The following CELF2 variants were observed in gnomAD, a reference collection of about 807,000 sequenced individuals.
CELF2 encodes CUGBP Elav-like family member 2, also known as CUG triplet repeat RNA-binding protein 2.
A neutral mutation model predicts 62.6 loss-of-function variants in CELF2; 8 were observed. The ratio of observed to expected loss-of-function variants is 0.13; its 90% CI spans 0.07 to 0.23. The LOEUF (loss-of-function observed/expected upper bound fraction) is 0.23, where lower values mean the gene tolerates loss of function less well. Among genes scored for constraint, CELF2 ranks in the 10% least tolerant of loss-of-function variants. The probability of loss-of-function intolerance (pLI) is 1.00; values close to 1 mark genes in which losing one functional copy is unlikely to be tolerated. For synonymous variants in CELF2, 258 were observed against 250.0 expected (o/e 1.03, Z -0.30); for missense variants, 333 against 671.0 (o/e 0.50, Z 5.56).
chr10:10,594,877 C>G, the CELF2 span, among the ~76,000 whole-genome samples: 4 of 152,160 alleles, frequency 2.6e-5, no homozygotes, highest in Middle Eastern at 3.2e-3. Context: ...CAGGAGTTCT[C>G]TCAACCCTTA....
At chr10:10,873,986 T>A (rs1334884077) in intron 1 of CELF2, among the ~76,000 whole-genome samples, 5 of 152,112 alleles carry the variant, frequency 3.3e-5, no homozygotes, top group Admixed American at 3.3e-4. Context: ...CTATATCTAG[T>A]TGATGTAAAT....
At chr10:11,167,656 A>G (rs1434538221) in intron 2 of CELF2, among the ~76,000 whole-genome samples, 2 of 152,164 alleles carry the variant, frequency 1.3e-5, no homozygotes, top group Non-Finnish European at 2.9e-5. Flanking sequence ...GATACTATAC[A>G]TTTTGTTAAC....
chr10:10,635,556 C>G, the CELF2 span, among the ~76,000 whole-genome samples: 3 of 152,066 alleles, frequency 2.0e-5, no homozygotes, highest in African/African-American at 7.2e-5. Flanking sequence ...TAATTAAGCC[C>G]CAAATGTTAT....
At chr10:11,199,022 T>A (rs2058615113) in intron 2 of CELF2, among the ~76,000 whole-genome samples, 1 of 151,742 alleles carries the variant, frequency 6.6e-6, no homozygotes, top group South Asian at 2.1e-4. Flanking sequence ...AGACCAAGAG[T>A]AGTTGACTTT....
intron 2 of CELF2, among the ~76,000 whole-genome samples, chr10:10,986,071 G>A (rs1288373102): frequency 1.3e-5 from 2 of 152,096 alleles, no homozygotes; most frequent in Admixed American, 1.3e-4. Context: ...TGTCTCCCAA[G>A]CAACTTCTGA....
the CELF2 span, among the ~76,000 whole-genome samples, chr10:10,556,574 T>C: frequency 6.6e-6 from 1 of 152,148 alleles, no homozygotes; most frequent in Non-Finnish European, 1.5e-5. Context: ...GGTCAAATGG[T>C]ATTTCTAGTT....
At chr10:11,122,790 A>T (rs2131528523) in intron 1 of CELF2, among the ~76,000 whole-genome samples, 1 of 152,360 alleles carries the variant, frequency 6.6e-6, no homozygotes. Context: ...CAGGAAACTT[A>T]CCTTCTTGGA....
chr10:10,505,153 TAATC>T, the CELF2 span, among the ~76,000 whole-genome samples: 4 of 152,148 alleles, frequency 2.6e-5, no homozygotes, highest in African/African-American at 2.4e-5. Flanking sequence ...TTAAATTAAT[TAATC>T]ACAACTTTGG....
chr10:10,733,202 G>A, the CELF2 span, among the ~76,000 whole-genome samples: 2 of 152,046 alleles, frequency 1.3e-5, no homozygotes, highest in Non-Finnish European at 2.9e-5. Context: ...TCTACACCCG[G>A]GCCATTGAAG....
At chr10:10,600,172 T>A in the CELF2 span, among the ~76,000 whole-genome samples, 43 of 152,366 alleles carry the variant, frequency 2.8e-4, no homozygotes, top group African/African-American at 1.0e-3. Flanking sequence ...GAGAAATTCA[T>A]GCATCCCAGG....
At chr10:10,927,826 C>T (rs969923817) in intron 2 of CELF2, among the ~76,000 whole-genome samples, 14 of 152,142 alleles carry the variant, frequency 9.2e-5, no homozygotes, top group African/African-American at 3.4e-4. Context: ...TGGTCCTTCC[C>T]ACTTCCTCTT....
At chr10:11,001,555 C>T (rs901295869), upstream of CELF2, among the ~76,000 whole-genome samples, 1 of 152,196 alleles carries the variant, frequency 6.6e-6, no homozygotes, top group African/African-American at 2.4e-5. Flanking sequence ...CCTATAATTT[C>T]ACCTTTTAAA....
Position 11,275,091 on chromosome 10 carries a change from G to C in CELF2, c.812G>C (p.Gly271Ala). 1 of 1,614,206 alleles carries C rather than the reference G, an allele frequency of 6.2e-7. No homozygotes were observed. The highest frequency in any genetic ancestry group is 8.5e-7 in the Non-Finnish European group (1 of 1,180,032). The change falls in exon 8 of 13, where the codon GGT becomes GCT. Residue 271 changes from glycine to alanine, a missense_variant. Transcript: ENST00000633077. Reference protein sequence around the residue: ...LQQATSSSNLGAFSGIQQMAG... With the variant: ...LQQATSSSNLAAFSGIQQMAG... ...CAGGCCACCTCCTCCAGCAACCTGG[G>C]TGCGTTCAGCGGCATTCAACAAATG...
At chr10:10,882,423 A>G (rs2061496775) in intron 1 of CELF2, among the ~76,000 whole-genome samples, 1 of 152,218 alleles carries the variant, frequency 6.6e-6, no homozygotes, top group Non-Finnish European at 1.5e-5. Context: ...ACTTGACCAC[A>G]AAGGGAAGGT....
chr10:10,965,494 T>C (rs1388830160), intron 2 of CELF2, among the ~76,000 whole-genome samples: 1 of 152,214 alleles, frequency 6.6e-6, no homozygotes, highest in African/African-American at 2.4e-5. Context: ...TTGTTGAAAT[T>C]CAATTCTGGG....
chr10:11,157,292 C>T lies in CELF2; in HGVS notation c.75-8194C>T, dbSNP rs754252995. ...TCCCAGCTCCCTTCCTTGTTAGAGC[C>T]GCCTTTTTCTCCCCAGTTTTTTGTT... On this transcript the variant is annotated intron_variant, in intron 1 of 12. Transcript: ENST00000633077. This position sits in a 1 kb window ranked among gnomAD's most constrained non-coding sequence, Gnocchi z 4.9. Among the ~76,000 whole-genome samples, 5 of 152,148 alleles carry T rather than the reference C, an allele frequency of 3.3e-5. No homozygotes were observed. Among genetic ancestry groups the T allele is most frequent in the African/African-American group, 4.8e-5 (2 of 41,412 alleles).
chr10:11,151,549 G>T (rs2063333062), intron 1 of CELF2, among the ~76,000 whole-genome samples: 1 of 152,106 alleles, frequency 6.6e-6, no homozygotes, highest in South Asian at 2.1e-4. Context: ...CTTATTCCTG[G>T]AGATGTATCA....
Position 11,159,791 on chromosome 10 carries a change from A to G in CELF2, c.75-5695A>G, listed in dbSNP as rs1022756822. On this transcript the variant is annotated intron_variant, in intron 1 of 12. Coordinates refer to ENST00000633077, the MANE Select transcript of CELF2 (RefSeq NM_001326342.2). The surrounding 1 kb of genome is among the most constrained non-coding windows in gnomAD (Gnocchi z 5.0). The stretch of plus-strand genomic sequence containing the variant: ...CTTGGACAGTTTCCTGTAATAACCA[A>G]ACAAAGCCTGTTTCTTCGTGTGCTA... Among the ~76,000 whole-genome samples the G allele has an allele frequency of 5.3e-5, 8 of 152,338 alleles. No homozygotes were observed. The highest frequency in any genetic ancestry group is 1.0e-4 in the Non-Finnish European group (7 of 68,024).
At chr10:11,047,913 T>C (rs577752539) in intron 1 of CELF2, among the ~76,000 whole-genome samples, 17 of 152,310 alleles carry the variant, frequency 1.1e-4, no homozygotes, top group African/African-American at 4.1e-4. Flanking sequence ...CCTGAAGAAT[T>C]TTTTTCTCTT....
Sources: gnomAD v4.1 joint callset for allele counts (sites outside exome capture counted in the v4.1 genomes callset) on GRCh38, gnomAD v4.1.1 for gene constraint, Gnocchi (gnomAD v3.1) non-coding constraint, MANE v1.5 for transcripts, NCBI Gene and HGNC (gene_info 2026-07-23, HGNC 2026-07-21) for gene names.